The following SAMMSON variants were observed in gnomAD, a reference collection of about 807,000 sequenced individuals.
The protein encoded by SAMMSON is long intergenic non-protein coding RNA 1212.
chr3:70,240,573 A>G (rs1259450627), intron 4 of SAMMSON, among the ~76,000 whole-genome samples: 1 of 152,200 alleles, frequency 6.6e-6, no homozygotes, highest in Non-Finnish European at 1.5e-5. Flanking sequence ...TAATTCTGAC[A>G]CCAGACTGTC....
intron 4 of SAMMSON, among the ~76,000 whole-genome samples, chr3:70,158,286 T>C (rs1374611349): frequency 6.6e-6 from 1 of 152,142 alleles, no homozygotes; most frequent in Admixed American, 6.6e-5. Flanking sequence ...GGGAATTTTA[T>C]ATAAACGGAA....
chr3:70,389,915 A>G (rs1490868751), downstream of SAMMSON: 2 of 152,170 alleles, frequency 1.3e-5, no homozygotes, highest in East Asian at 3.9e-4. Flanking sequence ...ATTGGAGACA[A>G]TGAGTACAAA....
intron 7 of SAMMSON, chr3:70,354,091 A>C (rs1702812999): frequency 6.6e-6 from 1 of 152,434 alleles, no homozygotes; most frequent in East Asian, 1.9e-4. Context: ...AAAAAGACCA[A>C]GTGGTGGCTT....
At chr3:70,149,627 G>A (rs1290841623) in intron 4 of SAMMSON, among the ~76,000 whole-genome samples, 1 of 152,044 alleles carries the variant, frequency 6.6e-6, no homozygotes, top group Admixed American at 6.6e-5. Flanking sequence ...GACAAGTATC[G>A]TACAGTTAAC....
At chr3:70,282,299 A>C (rs1043388673) in intron 6 of SAMMSON, among the ~76,000 whole-genome samples, 3 of 152,142 alleles carry the variant, frequency 2.0e-5, no homozygotes, top group Non-Finnish European at 2.9e-5. Flanking sequence ...CACACCACTT[A>C]AGAAGATGTA....
At chr3:70,107,899 A>G (rs1405289232) in intron 4 of SAMMSON, among the ~76,000 whole-genome samples, 2 of 152,134 alleles carry the variant, frequency 1.3e-5, no homozygotes, top group Non-Finnish European at 2.9e-5. Context: ...GTGAGATGGG[A>G]AGGATACACC....
At chr3:70,124,298 A>G (rs767261295) in intron 4 of SAMMSON, among the ~76,000 whole-genome samples, 1 of 152,206 alleles carries the variant, frequency 6.6e-6, no homozygotes, top group African/African-American at 2.4e-5. Flanking sequence ...TAGGTATTCT[A>G]TAAATAACTA....
chr3:70,133,028 C>T (rs9880622), intron 4 of SAMMSON, among the ~76,000 whole-genome samples: 49,831 of 151,846 alleles, frequency 0.33, 8,947 homozygotes, highest in East Asian at 0.7. Flanking sequence ...GATTATAATA[C>T]TATATTATAA....
At chr3:70,400,804 C>T (rs1331731395) in intron 2 of SAMMSON, among the ~76,000 whole-genome samples, 1 of 151,968 alleles carries the variant, frequency 6.6e-6, no homozygotes, top group Non-Finnish European at 1.5e-5. Context: ...TGGTGGTGTG[C>T]ACCTGTAATT....
intron 7 of SAMMSON, among the ~76,000 whole-genome samples, chr3:70,348,590 A>G (rs923525911): frequency 3.9e-5 from 6 of 152,152 alleles, no homozygotes; most frequent in African/African-American, 1.4e-4. Context: ...CTCTCCAAAT[A>G]CTATCACATT....
chr3:70,063,448 GC>G (rs2067197995), intron 3 of SAMMSON, among the ~76,000 whole-genome samples: 1 of 152,040 alleles, frequency 6.6e-6, no homozygotes, highest in South Asian at 2.1e-4. Flanking sequence ...AGTGGCAGCA[GC>G]CCTAGGTGTT....
intron 2 of SAMMSON, among the ~76,000 whole-genome samples, chr3:70,405,101 A>G (rs918929239): frequency 1.3e-5 from 2 of 152,214 alleles, no homozygotes; most frequent in Non-Finnish European, 2.9e-5. Flanking sequence ...GCTGGGAGAT[A>G]CTCAAGTTTG....
chr3:70,164,210 T>C (rs752812208), intron 4 of SAMMSON, among the ~76,000 whole-genome samples: 2 of 152,050 alleles, frequency 1.3e-5, no homozygotes, highest in African/African-American at 4.8e-5. Context: ...GCTCATATTT[T>C]AGTTCTGCCT....
At chr3:70,126,123 G>A in intron 4 of SAMMSON, 2 of 1,268,072 alleles carry the variant, frequency 1.6e-6, no homozygotes, top group Non-Finnish European at 2.2e-6. Context: ...GGATTGTGCT[G>A]GAAGGTGGTG....
intron 2 of SAMMSON, among the ~76,000 whole-genome samples, chr3:70,418,372 T>C (rs879363128): frequency 1.3e-5 from 2 of 152,228 alleles, no homozygotes; most frequent in African/African-American, 4.8e-5. Context: ...TTCCTCCTTT[T>C]TCCTAGGGTG....
At chr3:70,217,668 A>G (rs1444279191) in intron 4 of SAMMSON, among the ~76,000 whole-genome samples, 1 of 152,200 alleles carries the variant, frequency 6.6e-6, no homozygotes, top group Non-Finnish European at 1.5e-5. Context: ...TTGTTTCACA[A>G]CTAGATTCAT....
intron 2 of SAMMSON, among the ~76,000 whole-genome samples, chr3:70,414,577 G>A (rs1701247379): frequency 6.6e-6 from 1 of 152,068 alleles, no homozygotes; most frequent in Non-Finnish European, 1.5e-5. Context: ...TTCCCATGAA[G>A]TTATGAGAGA....
intron 4 of SAMMSON, among the ~76,000 whole-genome samples, chr3:70,196,721 C>T (rs1701185289): frequency 6.6e-6 from 1 of 152,168 alleles, no homozygotes; most frequent in Non-Finnish European, 1.5e-5. Flanking sequence ...TCTTATTTTT[C>T]AGTGAGCCAT....
chr3:70,182,106 C>T (rs765870291), intron 4 of SAMMSON, among the ~76,000 whole-genome samples: 8 of 152,066 alleles, frequency 5.3e-5, no homozygotes, highest in Non-Finnish European at 1.0e-4. Flanking sequence ...CCTCATTTTG[C>T]CTTCAGAAAG....
Sources: allele counts gnomAD v4.1 joint callset (sites outside exome capture counted in the v4.1 genomes callset), GRCh38; gene constraint gnomAD v4.1.1; transcripts MANE v1.5; gene names NCBI Gene and HGNC (gene_info 2026-07-23, HGNC 2026-07-21).